The following PCSK2 variants were observed in gnomAD, a reference collection of about 807,000 sequenced individuals.
PCSK2 encodes proprotein convertase subtilisin/kexin type 2.
A neutral mutation model predicts 69.7 loss-of-function variants in PCSK2; 14 were observed. The observed-to-expected ratio is 0.20, with a 90% CI of 0.13 to 0.31. The LOEUF (loss-of-function observed/expected upper bound fraction) is 0.31. Among genes scored for constraint, PCSK2 ranks in the 10% least tolerant of loss-of-function variants. The pLI, the probability that PCSK2 is intolerant of heterozygous loss-of-function variation, is 1.00. For synonymous variants in PCSK2, 307 were observed against 320.7 expected, an observed-to-expected ratio of 0.96 and a Z score of 0.46; for missense variants, 544 against 842.5, an observed-to-expected ratio of 0.65 and a Z score of 4.39.
intron 7 of PCSK2, among the ~76,000 whole-genome samples, chr20:17,430,351 G>A (rs926944176): frequency 6.6e-6 from 1 of 152,158 alleles, no homozygotes; most frequent in African/African-American, 2.4e-5. Context: ...TATTCAGGCT[G>A]AGTCACCCAA....
chr20:17,435,363 G>A (rs757795022), intron 7 of PCSK2, among the ~76,000 whole-genome samples: 9 of 152,296 alleles, frequency 5.9e-5, no homozygotes, highest in Non-Finnish European at 8.8e-5. Context: ...TATGAAACAC[G>A]CAAATAAGTA....
intron 2 of PCSK2, among the ~76,000 whole-genome samples, chr20:17,327,559 C>T (rs1012134619): frequency 2.0e-5 from 3 of 152,186 alleles, no homozygotes; most frequent in African/African-American, 7.2e-5. Context: ...GCCCCTTCCC[C>T]TCTCCTCCCT....
chr20:17,430,999 C>T (rs2032353217), intron 7 of PCSK2, among the ~76,000 whole-genome samples: 1 of 152,076 alleles, frequency 6.6e-6, no homozygotes. Context: ...CTGAAAACAC[C>T]TGAGCATTGA....
intron 2 of PCSK2, among the ~76,000 whole-genome samples, chr20:17,289,299 A>G (rs1233079348): frequency 2.0e-5 from 3 of 151,462 alleles, no homozygotes; most frequent in Admixed American, 6.6e-5. Context: ...GTTTTGCATT[A>G]AAAAAAATAA....
intron 11 of PCSK2, among the ~76,000 whole-genome samples, chr20:17,478,134 A>C (rs920334229): frequency 6.6e-6 from 1 of 152,212 alleles, no homozygotes; most frequent in Admixed American, 6.5e-5. Flanking sequence ...AATTACATCT[A>C]TCATTCTGTC....
chr20:17,352,818 G>A (rs1025092081), intron 2 of PCSK2, among the ~76,000 whole-genome samples: 1 of 152,150 alleles, frequency 6.6e-6, no homozygotes, highest in Non-Finnish European at 1.5e-5. Flanking sequence ...GACTCCAAAA[G>A]CAATCACAAC....
intron 1 of PCSK2, among the ~76,000 whole-genome samples, chr20:17,234,705 A>C (rs1277209458): frequency 1.3e-5 from 2 of 152,206 alleles, no homozygotes; most frequent in African/African-American, 4.8e-5. Context: ...ATCAATTTCT[A>C]TTTCAGAAGG....
chr20:17,347,849 A>AGG (rs1990700789), intron 2 of PCSK2, among the ~76,000 whole-genome samples: 1 of 103,292 alleles, frequency 9.7e-6, no homozygotes, highest in South Asian at 3.1e-4. Flanking sequence ...AGAAAGAAAG[A>AGG]AAGAAAGAAA....
chr20:17,227,708 C>T lies in PCSK2; in HGVS notation c.177+226C>T, dbSNP rs568070582. 5.3e-5 allele frequency among the ~76,000 whole-genome samples: 8 copies of T among 152,308 alleles called. No homozygotes were observed. The South Asian group carries it at 1.7e-3, about 32-fold the overall frequency. Reference sequence around the variant, plus strand: ...AAGGTCATCAAAATAATTTACTGCTCTTTGACTTGATGGCGAAAATAGGAT... The same window carrying T: ...AAGGTCATCAAAATAATTTACTGCTTTTTGACTTGATGGCGAAAATAGGAT... On this transcript the variant is annotated intron_variant, in intron 1 of 11. Coordinates refer to ENST00000262545, the MANE Select transcript of PCSK2 (RefSeq NM_002594.5).
Position 17,482,111 on chromosome 20 carries a change from T to A in PCSK2, c.*41T>A. On this transcript the variant is annotated 3_prime_UTR_variant, in exon 12 of 12. Coordinates refer to ENST00000262545, the MANE Select transcript of PCSK2 (RefSeq NM_002594.5). ...TTTCCCACCGCCCTCCCTCCCCAGC[T>A]CCGCCTCTGTCCTCGCTCCACGTTT... 1 of 1,513,570 alleles carries A rather than the reference T, an allele frequency of 6.6e-7. No individual in the cohort carries two copies. Among genetic ancestry groups the A allele is most frequent in the Non-Finnish European group, 8.8e-7 (1 of 1,134,966 alleles). 93.8% of individuals were successfully genotyped at this position (1,513,570 alleles called of 1,614,324 possible).
intron 1 of PCSK2, among the ~76,000 whole-genome samples, chr20:17,229,917 A>T (rs921410297): frequency 2.0e-5 from 3 of 152,120 alleles, no homozygotes; most frequent in African/African-American, 7.2e-5. Context: ...ACTTTTCCTC[A>T]TTATTTCAGG....
At chr20:17,463,108 T>C (rs1007492051) in intron 10 of PCSK2, among the ~76,000 whole-genome samples, 1 of 149,682 alleles carries the variant, frequency 6.7e-6, no homozygotes, top group African/African-American at 2.5e-5. Flanking sequence ...AGTTCCTTGT[T>C]CTGAAACATT....
chr20:17,382,826 C>T (rs868270524), intron 5 of PCSK2, among the ~76,000 whole-genome samples: 2 of 152,142 alleles, frequency 1.3e-5, no homozygotes, highest in African/African-American at 4.8e-5. Context: ...GCCTGTTTGC[C>T]TTTGTCCTGC....
chr20:17,382,220 A>C (rs1262816481), intron 5 of PCSK2, among the ~76,000 whole-genome samples: 2 of 152,208 alleles, frequency 1.3e-5, no homozygotes, highest in Non-Finnish European at 2.9e-5. Context: ...TTTCTGTGGA[A>C]TAGCAGGAGT....
At chr20:17,461,230 G>A (rs1241209829) in intron 10 of PCSK2, among the ~76,000 whole-genome samples, 1 of 151,994 alleles carries the variant, frequency 6.6e-6, no homozygotes, top group East Asian at 1.9e-4. Flanking sequence ...TTCCTCTCAC[G>A]TCCTTATAGG....
At chr20:17,227,024 G>A, upstream of PCSK2, 1 of 355,550 alleles carries the variant, frequency 2.8e-6, no homozygotes, top group East Asian at 5.0e-5. Context: ...TTAGCATCAA[G>A]CACAGACCTA....
intron 2 of PCSK2, among the ~76,000 whole-genome samples, chr20:17,294,153 G>T (rs1325893627): frequency 1.5e-5 from 2 of 131,194 alleles, no homozygotes; most frequent in Non-Finnish European, 1.6e-5. Context: ...AGCCCAGGCC[G>T]GATTGCAGTG....
At position 17,316,195 on chromosome 20, in the gene PCSK2, T is replaced by G. The variant is rs1989683127; in HGVS notation, c.283-42132T>G. Among the ~76,000 whole-genome samples the G allele has an allele frequency of 1.3e-5, 2 of 152,216 alleles. 1 individual carries two copies. Among genetic ancestry groups the G allele is most frequent in the Admixed American group, 1.3e-4 (2 of 15,288 alleles). ...TTGTGCCTGCTCAGTAAATATTAACTACCGACTCACAGGACATGCCTCTCT... is the reference window on the plus strand; with the variant it reads ...TTGTGCCTGCTCAGTAAATATTAACGACCGACTCACAGGACATGCCTCTCT... On this transcript the variant is annotated intron_variant, in intron 2 of 11. Transcript: ENST00000262545.
At chr20:17,435,836 C>T (rs1177870117) in intron 7 of PCSK2, among the ~76,000 whole-genome samples, 2 of 152,212 alleles carry the variant, frequency 1.3e-5, no homozygotes, top group Non-Finnish European at 2.9e-5. Context: ...AGAGACAGCA[C>T]ACCCAACCCA....
Sources: gnomAD v4.1 joint callset for allele counts (sites outside exome capture counted in the v4.1 genomes callset) on GRCh38, gnomAD v4.1.1 for gene constraint, MANE v1.5 for transcripts, NCBI Gene and HGNC (gene_info 2026-07-23, HGNC 2026-07-21) for gene names.